Variants in ELMO1 observed in about 807,000 individuals in gnomAD.
ELMO1 encodes the protein engulfment and cell motility protein 1.
Under a neutral mutation model 98.9 loss-of-function variants are expected in ELMO1, and 26 were observed. The observed-to-expected ratio is 0.26, with a 90% confidence interval of 0.19 to 0.36. ELMO1 has a LOEUF of 0.36. ELMO1 is among the 10% of genes least tolerant of loss of function. The probability of loss-of-function intolerance (pLI) is 1.00; values close to 1 mark genes in which losing one functional copy is unlikely to be tolerated. For synonymous variants in ELMO1, 346 were observed against 346.0 expected, an observed-to-expected ratio of 1.00 and a Z score of 0.00; for missense variants, 627 against 935.2, an observed-to-expected ratio of 0.67 and a Z score of 4.30.
chr7:36,873,791 T>C (rs547324893), intron 19 of ELMO1, among the ~76,000 whole-genome samples: 105 of 152,236 alleles, frequency 6.9e-4, no homozygotes, highest in Non-Finnish European at 1.3e-3. Flanking sequence ...GGAAGTTTAA[T>C]TGTGATTTAA....
intron 1 of ELMO1, among the ~76,000 whole-genome samples, chr7:37,399,662 C>G (rs1006571946): frequency 3.3e-5 from 5 of 152,214 alleles, no homozygotes; most frequent in Non-Finnish European, 5.9e-5. Context: ...TCAGAATACG[C>G]TGAGTGACTC....
chr7:37,123,301 G>A (rs1786228287), intron 14 of ELMO1, among the ~76,000 whole-genome samples: 1 of 151,786 alleles, frequency 6.6e-6, no homozygotes, highest in Admixed American at 6.5e-5. Flanking sequence ...AGAACTGAAG[G>A]AGATAGAGAC....
At chr7:36,965,773 T>C (rs1391693500) in intron 16 of ELMO1, among the ~76,000 whole-genome samples, 1 of 152,134 alleles carries the variant, frequency 6.6e-6, no homozygotes, top group East Asian at 1.9e-4. Context: ...TCCAAACACA[T>C]CATTTCCTCT....
intron 16 of ELMO1, among the ~76,000 whole-genome samples, chr7:36,917,345 G>T (rs532960434): frequency 6.6e-6 from 1 of 152,224 alleles, no homozygotes; most frequent in Non-Finnish European, 1.5e-5. Flanking sequence ...ACATTAAATT[G>T]TAAGGATTTT....
At chr7:37,352,583 T>C (rs1487063852) in intron 1 of ELMO1, among the ~76,000 whole-genome samples, 2 of 152,228 alleles carry the variant, frequency 1.3e-5, no homozygotes, top group Non-Finnish European at 2.9e-5. Flanking sequence ...ACTTTGAGAC[T>C]ATTTGCCTCC....
rs931711912 is a variant in ELMO1, at chr7:37,132,997, T to C, written c.1191+133A>G. ...GATCTCACTTAATTCTGATTTTTTT[T>C]TTTTTTTTAGTTTACTAAGAAAGAC... On this transcript the variant is annotated intron_variant, in intron 14 of 21. Transcript: ENST00000310758. The C allele has an allele frequency of 2.8e-5, 16 of 576,654 alleles. No individual in the cohort carries two copies. The African/African-American group carries it at 2.9e-4, about 10-fold the overall frequency. 35.7% of individuals were successfully genotyped at this position (576,654 alleles called of 1,614,324 possible). A position where few individuals can be genotyped will look rare whatever the true frequency, so the allele number is the denominator to read the frequency against.
At chr7:37,045,017 G>A (rs1053602939) in intron 15 of ELMO1, among the ~76,000 whole-genome samples, 9 of 152,080 alleles carry the variant, frequency 5.9e-5, no homozygotes, top group Non-Finnish European at 1.2e-4. Flanking sequence ...ATATTACTAC[G>A]CCGGTATGAA....
chr7:37,406,921 C>A (rs951579407), intron 1 of ELMO1, among the ~76,000 whole-genome samples: 4 of 152,122 alleles, frequency 2.6e-5, no homozygotes, highest in African/African-American at 9.7e-5. Context: ...TGAAAGAATT[C>A]ATCAGTATTA....
chr7:37,331,786 A>G (rs1185878517), intron 2 of ELMO1, among the ~76,000 whole-genome samples: 2 of 152,180 alleles, frequency 1.3e-5, no homozygotes, highest in Non-Finnish European at 2.9e-5. Context: ...AGGGAGAAAA[A>G]AAGAGTCTAA....
intron 14 of ELMO1, among the ~76,000 whole-genome samples, chr7:37,126,968 G>C (rs1268506796): frequency 6.6e-6 from 1 of 152,110 alleles, no homozygotes; most frequent in Non-Finnish European, 1.5e-5. Flanking sequence ...CATCTCATTT[G>C]CATGCATTCG....
chr7:37,426,796 G>T (rs763631690), intron 1 of ELMO1, among the ~76,000 whole-genome samples: 23 of 151,966 alleles, frequency 1.5e-4, no homozygotes, highest in African/African-American at 5.6e-4. Flanking sequence ...TACAATTATT[G>T]CATGTTAGTC....
At chr7:37,287,699 G>T in intron 4 of ELMO1, among the ~76,000 whole-genome samples, 1 of 152,168 alleles carries the variant, frequency 6.6e-6, no homozygotes, top group East Asian at 1.9e-4. Flanking sequence ...GGATAAAATA[G>T]TAGCTTTTCA....
At chr7:37,315,828 T>C (rs567875910) in intron 3 of ELMO1, 92 bp downstream of exon 3, 3 of 1,157,592 alleles carry the variant, frequency 2.6e-6, no homozygotes, top group Admixed American at 4.4e-5. Flanking sequence ...GGGTGACTTA[T>C]GAATAATATT....
At chr7:37,390,274 G>C (rs1390350329) in intron 1 of ELMO1, among the ~76,000 whole-genome samples, 1 of 152,218 alleles carries the variant, frequency 6.6e-6, no homozygotes, top group Non-Finnish European at 1.5e-5. Flanking sequence ...CTTCACAGCT[G>C]TCAGGCTTGC....
Position 37,224,924 on chromosome 7 carries a change from A to G in ELMO1, c.656T>C (p.Val219Ala), listed in dbSNP as rs1793781652. The G allele has an allele frequency of 4.3e-6, 7 of 1,614,074 alleles. No individual in the cohort carries two copies. Among genetic ancestry groups the G allele is most frequent in the Non-Finnish European group, 5.9e-6 (7 of 1,179,984 alleles). Residue 219 changes from valine (V) to alanine (A), a missense_variant, in exon 9 of 22, where the codon GTG (valine) becomes GCG (alanine). Coordinates refer to ENST00000310758, the MANE Select transcript of ELMO1 (RefSeq NM_014800.11). ...VLNSHDLYQK[V>A]AQEITIGQLI... ...CTGGCCGATGGTGATCTCCTGCGCC[A>G]CTTTCTGGTAGAGGTCATGGCTATT...
chr7:37,016,436 G>A (rs527798081), intron 15 of ELMO1, among the ~76,000 whole-genome samples: 42 of 152,130 alleles, frequency 2.8e-4, no homozygotes, highest in Non-Finnish European at 4.0e-4. Flanking sequence ...CCAAATGAGC[G>A]TCTGAAACCC....
intron 13 of ELMO1, 93 bp downstream of exon 13, chr7:37,211,293 G>A: frequency 1.3e-6 from 2 of 1,571,438 alleles, no homozygotes; most frequent in South Asian, 1.1e-5. Context: ...AAGCGCAAGA[G>A]GACCACACGC....
At chr7:37,353,660 T>A (rs759884494) in intron 1 of ELMO1, 1 of 152,148 alleles carries the variant, frequency 6.6e-6, no homozygotes. Context: ...TCAGGTGACC[T>A]GCGTTTATTC....
chr7:37,393,187 C>T (rs966669936), intron 1 of ELMO1, among the ~76,000 whole-genome samples: 30 of 152,152 alleles, frequency 2.0e-4, no homozygotes, highest in African/African-American at 6.0e-4. Context: ...CAAGAAATTG[C>T]AGATATAATA....
Sources: gnomAD v4.1 joint callset for allele counts (sites outside exome capture counted in the v4.1 genomes callset) on GRCh38, gnomAD v4.1.1 for gene constraint, MANE v1.5 for transcripts, NCBI Gene and HGNC (gene_info 2026-07-23, HGNC 2026-07-21) for gene names.